Variants in SGCZ observed in about 807,000 individuals in gnomAD.
The protein encoded by SGCZ is sarcoglycan zeta.
A neutral mutation model predicts 41.3 loss-of-function variants in SGCZ; 40 were observed. The ratio of observed to expected loss-of-function variants is 0.97; its 90% CI spans 0.75 to 1.26. The LOEUF is 1.26. Among genes scored for constraint, SGCZ ranks in the 50% most tolerant of loss-of-function variants. SGCZ has a pLI of 0.00. For synonymous variants in SGCZ, 206 were observed against 137.5 expected (o/e 1.50, Z -3.49); for missense variants, 552 against 369.8 (o/e 1.49, Z -4.04).
intron 2 of SGCZ, among the ~76,000 whole-genome samples, chr8:14,449,746 A>G (rs1004628203): frequency 6.6e-6 from 1 of 152,118 alleles, no homozygotes; most frequent in African/African-American, 2.4e-5. Context: ...ACCAGATGCT[A>G]ATTGTGGCCA....
At chr8:14,533,226 T>A (rs1213756010) in intron 2 of SGCZ, among the ~76,000 whole-genome samples, 1 of 151,690 alleles carries the variant, frequency 6.6e-6, no homozygotes, top group Admixed American at 6.6e-5. Flanking sequence ...TTCCCACCTA[T>A]GAGTGAGAAC....
chr8:14,531,192 G>A (rs1412470438), intron 2 of SGCZ, among the ~76,000 whole-genome samples: 1 of 151,568 alleles, frequency 6.6e-6, no homozygotes, highest in African/African-American at 2.4e-5. Context: ...CTTTTTCCAA[G>A]CCTATTCATA....
intron 7 of SGCZ, among the ~76,000 whole-genome samples, chr8:14,099,692 T>A (rs1009120119): frequency 6.6e-6 from 1 of 152,074 alleles, no homozygotes; most frequent in African/African-American, 2.4e-5. Flanking sequence ...GCCAATGTAC[T>A]CCATCCTGGG....
intron 2 of SGCZ, among the ~76,000 whole-genome samples, chr8:14,477,058 G>T (rs941340711): frequency 3.3e-5 from 5 of 151,998 alleles, no homozygotes; most frequent in African/African-American, 9.7e-5. Context: ...CCTAATTTTT[G>T]ATTTAATTAA....
At chr8:15,083,460 T>C (rs570100954) in intron 1 of SGCZ, among the ~76,000 whole-genome samples, 51 of 152,334 alleles carry the variant, frequency 3.3e-4, no homozygotes, top group African/African-American at 1.2e-3. Context: ...AAATGGCCTC[T>C]ATAAACATGG....
At chr8:14,710,242 C>T (rs886160433) in intron 1 of SGCZ, among the ~76,000 whole-genome samples, 3 of 151,760 alleles carry the variant, frequency 2.0e-5, no homozygotes, top group Admixed American at 6.6e-5. Context: ...TGGTGGCAGG[C>T]GCCTGTAGTC....
intron 2 of SGCZ, among the ~76,000 whole-genome samples, chr8:14,482,089 T>C (rs775992212): frequency 6.6e-6 from 1 of 152,120 alleles, no homozygotes; most frequent in Non-Finnish European, 1.5e-5. Context: ...AGGTAGGAAC[T>C]AGACAAAGAA....
At position 14,087,624 on chromosome 8, in the gene SGCZ, C is replaced by A. The variant is rs568552568; in HGVS notation, c.*2819G>T. ...AGATGAAATTTATATAAGTAAACTG[C>A]ATTTTATTTATACATATTGTAACAT... is the stretch of plus-strand genomic sequence containing the variant. On this transcript the variant is annotated 3_prime_UTR_variant, in exon 8 of 8. Transcript: ENST00000382080. Among the ~76,000 whole-genome samples, 2 of 151,286 alleles carry A rather than the reference C, an allele frequency of 1.3e-5. No individual in the cohort carries two copies. The highest frequency in any genetic ancestry group is 3.0e-5 in the Non-Finnish European group (2 of 67,690).
Position 14,792,957 on chromosome 8 carries a change from G to GATCT in SGCZ, c.40-238035_40-238032dup, listed in dbSNP as rs369760662. Among the ~76,000 whole-genome samples the GATCT allele has an allele frequency of 2.5e-3, 374 of 152,194 alleles. 3 individuals carry two copies. Among genetic ancestry groups the GATCT allele is most frequent in the African/African-American group, 8.6e-3 (356 of 41,528 alleles). On this transcript the variant is annotated intron_variant, in intron 1 of 7. Coordinates refer to ENST00000382080, the MANE Select transcript of SGCZ (RefSeq NM_139167.4). Reference sequence around the variant, plus strand: ...ACACTAAATTTATATTTCTAACTCAGATCTCTCAGTCTTGAACTTCTGACA... The same window carrying GATCT: ...ACACTAAATTTATATTTCTAACTCAGATCTATCTCTCAGTCTTGAACTTCTGACA...
At chr8:14,408,630 G>A (rs2117269123) in intron 2 of SGCZ, among the ~76,000 whole-genome samples, 1 of 152,180 alleles carries the variant, frequency 6.6e-6, no homozygotes, top group South Asian at 2.1e-4. Context: ...ATATTCTGCA[G>A]CAACATTTCA....
At chr8:14,230,594 A>G (rs778008900) in intron 4 of SGCZ, among the ~76,000 whole-genome samples, 1 of 152,108 alleles carries the variant, frequency 6.6e-6, no homozygotes, top group African/African-American at 2.4e-5. Flanking sequence ...GTTTCTGAAG[A>G]TATCATGATT....
At chr8:14,399,359 G>C (rs1799008282) in intron 2 of SGCZ, among the ~76,000 whole-genome samples, 2 of 151,976 alleles carry the variant, frequency 1.3e-5, no homozygotes, top group South Asian at 4.2e-4. Context: ...GACAGGCCTG[G>C]GCATCCACTT....
chr8:14,255,374 CTGTA>C (rs1799424726), intron 3 of SGCZ, among the ~76,000 whole-genome samples: 1 of 152,142 alleles, frequency 6.6e-6, no homozygotes, highest in African/African-American at 2.4e-5. Flanking sequence ...TGATTAATAA[CTGTA>C]TCTCTTCCAT....
chr8:14,104,101 A>C (rs1437075194), intron 6 of SGCZ, among the ~76,000 whole-genome samples: 4 of 152,180 alleles, frequency 2.6e-5, no homozygotes, highest in Non-Finnish European at 4.4e-5. Flanking sequence ...TAAACTATTC[A>C]TGTTATTATA....
At chr8:14,285,745 G>T (rs1236998389) in intron 3 of SGCZ, among the ~76,000 whole-genome samples, 1 of 152,052 alleles carries the variant, frequency 6.6e-6, no homozygotes, top group South Asian at 2.1e-4. Flanking sequence ...TTAATACTTT[G>T]AGATATGGGA....
Position 14,770,730 on chromosome 8 carries a change from G to C in SGCZ, c.40-215804C>G, listed in dbSNP as rs539944777. Among the ~76,000 whole-genome samples the C allele has an allele frequency of 3.4e-4, 52 of 152,112 alleles. 3 individuals carry two copies. In the South Asian group the frequency reaches 0.011, roughly 32 times the overall value. On this transcript the variant is annotated intron_variant, in intron 1 of 7. Coordinates refer to ENST00000382080, the MANE Select transcript of SGCZ (RefSeq NM_139167.4). ...CTGTTGAAATGAAGAATAAGACATA[G>C]TATCTGCCACCAAAAGTTCATAACC...
chr8:14,377,579 G>T (rs1804181161), intron 2 of SGCZ, among the ~76,000 whole-genome samples: 1 of 150,950 alleles, frequency 6.6e-6, no homozygotes, highest in Admixed American at 6.6e-5. Flanking sequence ...TGCACATTGT[G>T]CAGGTTAGTT....
intron 1 of SGCZ, among the ~76,000 whole-genome samples, chr8:14,719,022 G>A (rs1809793901): frequency 9.6e-6 from 1 of 104,532 alleles, no homozygotes; most frequent in Non-Finnish European, 1.8e-5. Context: ...CCCCACAACA[G>A]TCCCCAGAGT....
intron 1 of SGCZ, among the ~76,000 whole-genome samples, chr8:15,109,699 C>T (rs979339370): frequency 6.6e-6 from 1 of 152,064 alleles, no homozygotes; most frequent in African/African-American, 2.4e-5. Flanking sequence ...TAAATACTCA[C>T]AGAGTTCTGG....
Sources: allele counts gnomAD v4.1 joint callset (sites outside exome capture counted in the v4.1 genomes callset), GRCh38; gene constraint gnomAD v4.1.1; transcripts MANE v1.5; gene names NCBI Gene and HGNC (gene_info 2026-07-23, HGNC 2026-07-21).